Variants in TUBA1C observed in about 807,000 individuals in gnomAD.
The protein encoded by TUBA1C is tubulin alpha 1c, also known as tubulin alpha-1C chain.
TUBA1C carries 16 observed loss-of-function variants against 34.9 expected under a neutral mutation model. The observed-to-expected ratio is 0.46, with a 90% CI of 0.31 to 0.70. The LOEUF is 0.70. Ranked by LOEUF, TUBA1C falls within the 30% of genes least tolerant of loss-of-function variation. TUBA1C has a pLI of 0.05. For missense variants in TUBA1C, 329 were observed against 587.3 expected (o/e 0.56, Z 4.55); for synonymous variants, 177 against 215.9 (o/e 0.82, Z 1.58).
intron 1 of TUBA1C, among the ~76,000 whole-genome samples, chr12:49,248,995 C>A (rs956350037): frequency 6.6e-6 from 1 of 151,658 alleles, no homozygotes; most frequent in African/African-American, 2.4e-5. Flanking sequence ...CAAGGGAAAT[C>A]TTAAAATATT....
At chr12:49,241,607 CCCCTCCCT>C (rs999103517) in intron 1 of TUBA1C, among the ~76,000 whole-genome samples, 1 of 149,184 alleles carries the variant, frequency 6.7e-6, no homozygotes, top group Admixed American at 6.7e-5. Context: ...ATATTTTCCT[CCCCTCCCT>C]CCCTCCCTCC....
At chr12:49,247,172 CAAGAG>C (rs1942679074) in intron 1 of TUBA1C, among the ~76,000 whole-genome samples, 1 of 150,558 alleles carries the variant, frequency 6.6e-6, no homozygotes, top group Non-Finnish European at 1.5e-5. Context: ...AAAAGTAAAA[CAAGAG>C]AAAAGAAACT....
intron 1 of TUBA1C, among the ~76,000 whole-genome samples, chr12:49,248,634 C>A (rs962804138): frequency 3.2e-4 from 48 of 151,312 alleles, no homozygotes; most frequent in African/African-American, 1.1e-3. Context: ...GAGGCCGAGG[C>A]GGGCGGATCA....
chr12:49,236,934 A>AAC (rs1485108248), intron 1 of TUBA1C, among the ~76,000 whole-genome samples: 1 of 152,236 alleles, frequency 6.6e-6, no homozygotes, highest in Middle Eastern at 3.2e-3. Context: ...CATTGACTGA[A>AAC]ACATCATTAT....
At chr12:49,235,236 T>C (rs1942541191) in intron 1 of TUBA1C, among the ~76,000 whole-genome samples, 1 of 150,192 alleles carries the variant, frequency 6.7e-6, no homozygotes, top group Non-Finnish European at 1.5e-5. Flanking sequence ...GCAGTATAGG[T>C]TGAAAATTAG....
chr12:49,255,405 A>T lies in TUBA1C; in HGVS notation c.214-14060A>T, dbSNP rs868712405. On this transcript the variant is annotated intron_variant, in intron 1 of 3. Coordinates refer to the TUBA1C transcript ENST00000541364. ...CCAGCAGCTGAACTTATCTTTAAAAAATATATATATATATATATATATATA... is the reference window on the plus strand; with the variant it reads ...CCAGCAGCTGAACTTATCTTTAAAATATATATATATATATATATATATATA... Among the ~76,000 whole-genome samples, 474 of 141,302 alleles carry T rather than the reference A, an allele frequency of 3.4e-3. 5 individuals are homozygous for T. The South Asian group carries it at 0.062, about 18-fold the overall frequency. The allele number at this position is 141,302 out of a possible 152,430, so 92.7% of individuals were successfully genotyped here.
upstream of TUBA1C, among the ~76,000 whole-genome samples, chr12:49,263,702 C>T (rs547108331): frequency 6.6e-5 from 10 of 152,162 alleles, no homozygotes; most frequent in South Asian, 2.1e-3. Context: ...AATTCATGAG[C>T]TAAGATAACA....
At chr12:49,265,982 A>C (rs1398647189) in intron 1 of TUBA1C, among the ~76,000 whole-genome samples, 5 of 145,268 alleles carry the variant, frequency 3.4e-5, no homozygotes, top group Admixed American at 2.1e-4. Context: ...ACAAAAAAAA[A>C]CGCTGGGCGT....
At chr12:49,240,481 A>G (rs1565639723) in intron 1 of TUBA1C, among the ~76,000 whole-genome samples, 1 of 152,152 alleles carries the variant, frequency 6.6e-6, no homozygotes, top group South Asian at 2.1e-4. Context: ...CCCACAAAAT[A>G]TCAGGCTTAT....
At chr12:49,264,880 C>A (rs1020260367), upstream of TUBA1C, 3 of 186,056 alleles carry the variant, frequency 1.6e-5, no homozygotes, top group Non-Finnish European at 2.1e-5. Context: ...TCTTCCTGCT[C>A]CTGGCTCCTT....
At chr12:49,258,458 C>T (rs1330285333) in intron 1 of TUBA1C, among the ~76,000 whole-genome samples, 2 of 152,078 alleles carry the variant, frequency 1.3e-5, no homozygotes. Context: ...GAGACAGTCT[C>T]GCTCTATTGC....
chr12:49,228,276 A>G (rs1942460800), intron 1 of TUBA1C: 1 of 1,019,002 alleles, frequency 9.8e-7, no homozygotes, highest in African/African-American at 1.6e-5. Flanking sequence ...TTATTGTTTC[A>G]TGTTTAATTA....
In TUBA1C at chr12:49,265,187, G is replaced by GA; in HGVS notation, c.3+4dup. ...GACCCCTTCAAGTTCTAGTCATGGT[G>GA]AGTGGGGTTCCCTCGGGGCTGGGGA... On this transcript the variant is annotated splice_donor_region_variant and intron_variant, in intron 1 of 3. Transcript: ENST00000301072. 2 of 1,602,950 alleles carry GA rather than the reference G, an allele frequency of 1.2e-6. No individual in the cohort carries two copies. Among genetic ancestry groups the GA allele is most frequent in the Non-Finnish European group, 1.7e-6 (2 of 1,172,608 alleles).
intron 1 of TUBA1C, among the ~76,000 whole-genome samples, chr12:49,229,899 T>C (rs1470750917): frequency 1.3e-5 from 2 of 152,156 alleles, no homozygotes; most frequent in African/African-American, 2.4e-5. Context: ...GCGATTCTCC[T>C]GCCTCAGCCT....
exon 1 of TUBA1C, chr12:49,227,938 G>C: frequency 1.3e-6 from 2 of 1,535,182 alleles, no homozygotes; most frequent in African/African-American, 1.4e-5. Context: ...GTGAACAATG[G>C]GCGCCCAGCT....
chr12:49,250,017 G>A lies in TUBA1C; in HGVS notation c.214-19448G>A, dbSNP rs574568116. On this transcript the variant is annotated intron_variant, in intron 1 of 3. Transcript: ENST00000541364. ...TTTGAGACCAGCCTGGCCCAACGTG[G>A]TGAAACCCCATCTCTACTAAAAATA... 2.7e-3 allele frequency among the ~76,000 whole-genome samples: 409 copies of A among 151,250 alleles called. 1 individual carries two copies. The highest frequency in any genetic ancestry group is 4.8e-3 in the Non-Finnish European group (329 of 67,858).
intron 1 of TUBA1C, among the ~76,000 whole-genome samples, chr12:49,254,226 G>A (rs1300047347): frequency 2.6e-5 from 4 of 152,022 alleles, no homozygotes; most frequent in East Asian, 1.9e-4. Flanking sequence ...CAGGAGAATC[G>A]CTTGAACCCG....
chr12:49,255,156 C>T (rs914382671), intron 1 of TUBA1C, among the ~76,000 whole-genome samples: 6 of 151,892 alleles, frequency 4.0e-5, no homozygotes, highest in Non-Finnish European at 5.9e-5. Context: ...AATACAACTA[C>T]GGACCTTGCC....
intron 1 of TUBA1C, among the ~76,000 whole-genome samples, chr12:49,247,889 A>G (rs1014383940): frequency 1.3e-5 from 2 of 150,098 alleles, no homozygotes; most frequent in Non-Finnish European, 3.0e-5. Flanking sequence ...CAGAAGTTGC[A>G]GTGAGCCGAG....
Sources: gnomAD v4.1 joint callset for allele counts (sites outside exome capture counted in the v4.1 genomes callset) on GRCh38, gnomAD v4.1.1 for gene constraint, MANE v1.5 for transcripts, NCBI Gene and HGNC (gene_info 2026-07-23, HGNC 2026-07-21) for gene names.